Variants in PREX2 observed in about 807,000 individuals in gnomAD.
PREX2 encodes phosphatidylinositol-3,4,5-trisphosphate dependent Rac exchange factor 2, also known as phosphatidylinositol 3,4,5-trisphosphate-dependent Rac exchanger 2 protein.
A neutral mutation model predicts 203.2 loss-of-function variants in PREX2; 107 were observed. The ratio of observed to expected loss-of-function variants is 0.53; its 90% CI spans 0.45 to 0.62. The LOEUF (loss-of-function observed/expected upper bound fraction) is 0.62, where lower values mean the gene tolerates loss of function less well. Among genes scored for constraint, PREX2 ranks in the 20% least tolerant of loss-of-function variants. PREX2 has a pLI of 0.00. For synonymous variants in PREX2, 672 were observed against 663.6 expected, an observed-to-expected ratio of 1.01 and a Z score of -0.19; for missense variants, 1,777 against 1,955.9, an observed-to-expected ratio of 0.91 and a Z score of 1.72.
chr8:68,083,283 G>A lies in PREX2; in HGVS notation c.1922G>A (p.Gly641Asp). ...GGGAAAAAGATTTTTGCTATTAATG[G>A]TGACCTAGTTTTTATGAGACCTTTC... ...EVGKKIFAIN[G>D]DLVFMRPFNE... The change falls in exon 18 of 40, where the codon GGT (glycine) becomes GAT (aspartate). Residue 641 changes from glycine (G) to aspartate (D), a missense_variant. Transcript: ENST00000288368. The A allele has an allele frequency of 1.9e-6, 3 of 1,608,700 alleles. No individual in the cohort carries two copies. The highest frequency in any genetic ancestry group is 2.6e-6 in the Non-Finnish European group (3 of 1,176,424).
At chr8:68,027,492 C>T (rs1051020704) in intron 5 of PREX2, among the ~76,000 whole-genome samples, 169 bp downstream of exon 5, 1 of 151,848 alleles carries the variant, frequency 6.6e-6, no homozygotes, top group Non-Finnish European at 1.5e-5. Flanking sequence ...GTGTAGGAAA[C>T]AGATGTTCAG....
intron 4 of PREX2, among the ~76,000 whole-genome samples, chr8:68,025,705 T>A (rs1807697573): frequency 6.6e-6 from 1 of 152,072 alleles, no homozygotes; most frequent in African/African-American, 2.4e-5. Context: ...GCTCAAGCGA[T>A]CCTCTTACCT....
chr8:68,222,434 CAAA>C (rs111810920), intron 38 of PREX2, among the ~76,000 whole-genome samples: 3 of 77,064 alleles, frequency 3.9e-5, no homozygotes, highest in Non-Finnish European at 2.8e-5. Flanking sequence ...ACAATTTTAG[CAAA>C]AAAAAAAAAA....
chr8:68,052,472 A>T (rs549394860), intron 8 of PREX2, among the ~76,000 whole-genome samples: 55 of 152,292 alleles, frequency 3.6e-4, no homozygotes, highest in African/African-American at 1.1e-3. Flanking sequence ...ATCTTCAAAA[A>T]TTTTTTTATA....
intron 18 of PREX2, among the ~76,000 whole-genome samples, chr8:68,087,220 G>A (rs1379545320): frequency 6.6e-6 from 1 of 152,136 alleles, no homozygotes; most frequent in Non-Finnish European, 1.5e-5. Context: ...CTGACTACTT[G>A]AAGATTCAAG....
chr8:68,029,599 A>C (rs1360300231), intron 5 of PREX2, among the ~76,000 whole-genome samples: 1 of 152,146 alleles, frequency 6.6e-6, no homozygotes, highest in Non-Finnish European at 1.5e-5. Context: ...GTTTGTTGAG[A>C]ATTTAGAAAA....
rs756890193 is a variant in PREX2, at chr8:68,105,275, A to G, written c.2716-2834A>G. ...TCCTCCTGCTGCCTCCTCCTCTCTT[A>G]GGAATATCCCAGGATGGAAGACAGC... On this transcript the variant is annotated intron_variant, in intron 23 of 39. Transcript: ENST00000288368. 1.5e-6 allele frequency: 2 copies of G among 1,367,618 alleles called. No homozygotes were observed. The highest frequency in any genetic ancestry group is 2.1e-4 in the Middle Eastern group (1 of 4,784). The allele number at this position is 1,367,618 out of a possible 1,614,324, so 84.7% of individuals were successfully genotyped here.
At chr8:68,163,581 A>G (rs1353713763) in intron 35 of PREX2, among the ~76,000 whole-genome samples, 2 of 152,224 alleles carry the variant, frequency 1.3e-5, no homozygotes, top group African/African-American at 4.8e-5. Context: ...CAGGGTCAAC[A>G]AAGTATTTGC....
At chr8:68,001,236 A>G (rs1040924245) in intron 1 of PREX2, among the ~76,000 whole-genome samples, 2 of 152,260 alleles carry the variant, frequency 1.3e-5, no homozygotes, top group Non-Finnish European at 2.9e-5. Context: ...AGGAACTTAA[A>G]TTTACAATAA....
chr8:68,147,989 G>A (rs1034960912), intron 34 of PREX2, among the ~76,000 whole-genome samples: 2 of 152,178 alleles, frequency 1.3e-5, no homozygotes, highest in Admixed American at 6.5e-5. Flanking sequence ...GCTCACGCAT[G>A]TAATCCTAGC....
intron 31 of PREX2, among the ~76,000 whole-genome samples, chr8:68,133,717 CA>C (rs1811053231): frequency 1.3e-5 from 2 of 152,096 alleles, no homozygotes; most frequent in Non-Finnish European, 2.9e-5. Context: ...GTCATTGCAG[CA>C]AATGCAAATT....
At position 68,193,011 on chromosome 8, in the gene PREX2, T is replaced by C. The variant is rs576424720; in HGVS notation, c.4604+486T>C. Among the ~76,000 whole-genome samples, 14 of 152,296 alleles carry C rather than the reference T, an allele frequency of 9.2e-5. No homozygotes were observed. In the South Asian group the frequency reaches 2.9e-3, roughly 32 times the overall value. On this transcript the variant is annotated intron_variant, in intron 37 of 39. Coordinates refer to ENST00000288368, the MANE Select transcript of PREX2 (RefSeq NM_024870.4). ...TCCAGGAGCTCACACAATGTGCTAT[T>C]CCAGAAAATGTAAGGGGAAATATTT...
chr8:67,979,958 A>G (rs1454298774), intron 1 of PREX2, among the ~76,000 whole-genome samples: 2 of 152,210 alleles, frequency 1.3e-5, no homozygotes, highest in Non-Finnish European at 1.5e-5. Flanking sequence ...GACACTTACA[A>G]TATGCCATCT....
chr8:68,044,007 A>G (rs923525451), intron 7 of PREX2, among the ~76,000 whole-genome samples: 1 of 152,148 alleles, frequency 6.6e-6, no homozygotes, highest in African/African-American at 2.4e-5. Context: ...GATAGGAGAA[A>G]TATTTTTATA....
chr8:68,129,095 T>G (rs965914304), intron 31 of PREX2, among the ~76,000 whole-genome samples: 2 of 152,174 alleles, frequency 1.3e-5, no homozygotes, highest in East Asian at 3.9e-4. Flanking sequence ...GTTTCCACAG[T>G]TTTAAAGGTG....
rs1172457867 is a variant in PREX2, at chr8:67,975,829, G to A, written c.141+23294G>A. The stretch of plus-strand genomic sequence containing the variant: ...AGTGATTCTCCTGCCTCAGCCTCCC[G>A]AGTAGCTGGGACTACAGGCGTGTGC... On this transcript the variant is annotated intron_variant, in intron 1 of 39. Transcript: ENST00000288368. Among the ~76,000 whole-genome samples, 4 of 146,800 alleles carry A rather than the reference G, an allele frequency of 2.7e-5. No homozygotes were observed. In the Admixed American group the frequency reaches 2.8e-4, roughly 10 times the overall value.
intron 37 of PREX2, among the ~76,000 whole-genome samples, chr8:68,194,826 G>A (rs1357202020): frequency 2.6e-5 from 4 of 151,774 alleles, no homozygotes; most frequent in South Asian, 2.1e-4. Context: ...ATGAAGGAGT[G>A]GGTCATGCAG....
chr8:68,166,061 C>A (rs1330733090), intron 35 of PREX2, among the ~76,000 whole-genome samples: 2 of 152,202 alleles, frequency 1.3e-5, no homozygotes, highest in African/African-American at 2.4e-5. Context: ...GACCTGAAGA[C>A]CCTGGTCCTG....
intron 18 of PREX2, 70 bp from the exon 19 acceptor site, chr8:68,087,654 G>A (rs1283017418): frequency 1.8e-5 from 20 of 1,087,838 alleles, no homozygotes; most frequent in Non-Finnish European, 2.9e-5. Flanking sequence ...GTGTAAAGCT[G>A]TACACGACGA....
Sources: allele counts gnomAD v4.1 joint callset (sites outside exome capture counted in the v4.1 genomes callset), GRCh38; gene constraint gnomAD v4.1.1; transcripts MANE v1.5; gene names NCBI Gene and HGNC (gene_info 2026-07-23, HGNC 2026-07-21).